Variants in MLIP observed in about 807,000 individuals in gnomAD.
MLIP encodes the protein muscular LMNA-interacting protein.
In MLIP, 79 loss-of-function variants were observed where a neutral mutation model predicts 84.8. The ratio of observed to expected loss-of-function variants is 0.93; its 90% CI spans 0.78 to 1.12. The LOEUF is 1.12. Ranked by LOEUF, MLIP falls within the 50% of genes most tolerant of loss-of-function variation. The probability of loss-of-function intolerance (pLI) is 0.00; values close to 1 mark genes in which losing one functional copy is unlikely to be tolerated. For synonymous variants in MLIP, 504 were observed against 463.0 expected, an observed-to-expected ratio of 1.09 and a Z score of -1.14; for missense variants, 1,257 against 1,160.6, an observed-to-expected ratio of 1.08 and a Z score of -1.21.
chr6:54,235,328 C>T (rs1175565898), intron 12 of MLIP, among the ~76,000 whole-genome samples: 1 of 152,180 alleles, frequency 6.6e-6, no homozygotes, highest in Non-Finnish European at 1.5e-5. Context: ...AAATACTCTT[C>T]TATGTTCTCC....
At chr6:54,258,527 A>G (rs1219598613) in intron 13 of MLIP, among the ~76,000 whole-genome samples, 3 of 152,044 alleles carry the variant, frequency 2.0e-5, no homozygotes, top group African/African-American at 7.2e-5. Flanking sequence ...TTATGAACAT[A>G]TGGAAGACTC....
rs1491464537 is a variant in MLIP, at chr6:54,239,367, A to ATT, written c.2922+8450_2922+8451insTT. Among the ~76,000 whole-genome samples, 1,444 of 144,544 alleles carry ATT rather than the reference A, an allele frequency of 1.0e-2. 48 individuals carry two copies. The highest frequency in any genetic ancestry group is 0.036 in the African/African-American group (1,378 of 38,600). 94.8% of individuals were successfully genotyped at this position (144,544 alleles called of 152,430 possible). On this transcript the variant is annotated intron_variant, in intron 12 of 13. Transcript: ENST00000502396. ...CTGGGCCATTTAAACATATATATATAATATATATATATATAATATATATAT... is the reference window on the plus strand; with the variant it reads ...CTGGGCCATTTAAACATATATATATATTATATATATATATATAATATATATAT...
intron 11 of MLIP, among the ~76,000 whole-genome samples, chr6:54,209,755 T>C (rs1779285850): frequency 6.6e-6 from 1 of 152,256 alleles, no homozygotes; most frequent in Non-Finnish European, 1.5e-5. Flanking sequence ...GAAAACATGT[T>C]TAAGATAAAA....
At chr6:54,131,995 A>C (rs1447921097) in intron 3 of MLIP, among the ~76,000 whole-genome samples, 1 of 152,124 alleles carries the variant, frequency 6.6e-6, no homozygotes, top group Admixed American at 6.5e-5. Flanking sequence ...GTGGTCTTGT[A>C]TCTTCCAGTA....
intron 9 of MLIP, among the ~76,000 whole-genome samples, chr6:54,183,012 A>G (rs1176480196): frequency 6.6e-6 from 1 of 152,230 alleles, no homozygotes; most frequent in Non-Finnish European, 1.5e-5. Flanking sequence ...AAATGTCATT[A>G]CAATGGAAGC....
intron 11 of MLIP, chr6:54,217,799 T>C: frequency 1.0e-6 from 1 of 984,788 alleles, no homozygotes; most frequent in Non-Finnish European, 1.2e-6. Flanking sequence ...TGTTTTATGA[T>C]CCCTGTACAT....
At chr6:54,146,907 GA>G (rs1772898659) in intron 4 of MLIP, among the ~76,000 whole-genome samples, 1 of 152,154 alleles carries the variant, frequency 6.6e-6, no homozygotes, top group Admixed American at 6.6e-5. Context: ...TTCCAGCCAG[GA>G]CTGACATGCA....
At chr6:54,026,856 T>C (rs2150272874) in intron 1 of MLIP, among the ~76,000 whole-genome samples, 1 of 152,280 alleles carries the variant, frequency 6.6e-6, no homozygotes, top group South Asian at 2.1e-4. Flanking sequence ...GGTAATACAG[T>C]TAAAGTTGTG....
intron 1 of MLIP, among the ~76,000 whole-genome samples, chr6:54,119,828 A>G (rs1770278317): frequency 6.6e-6 from 1 of 152,182 alleles, no homozygotes; most frequent in Non-Finnish European, 1.5e-5. Context: ...TATCTACAAC[A>G]AAAGTGGTTC....
intron 1 of MLIP, among the ~76,000 whole-genome samples, chr6:54,035,757 T>C (rs9464018): frequency 1.1e-4 from 16 of 152,108 alleles, no homozygotes; most frequent in African/African-American, 3.6e-4. Context: ...GCCATATGTA[T>C]ATCTTTTTTG....
rs138243625 is a variant in MLIP at position 54,228,510 on chromosome 6, G to A, written c.2719-2204G>A. Among the ~76,000 whole-genome samples, 29 of 152,314 alleles carry A rather than the reference G, an allele frequency of 1.9e-4. No homozygotes were observed. The East Asian group carries it at 4.4e-3, about 23-fold the overall frequency. ...CTGCCCAGCTGCCTGGGTAGAGTGA[G>A]GACAACACCTGATCCTACAGAAACA... On this transcript the variant is annotated intron_variant, in intron 11 of 13. Coordinates refer to ENST00000502396, the MANE Select transcript of MLIP (RefSeq NM_001281747.2).
chr6:54,202,242 A>G lies in MLIP; in HGVS notation c.2718+9A>G, dbSNP rs1778737311. 1.4e-6 allele frequency: 2 copies of G among 1,425,420 alleles called. No individual in the cohort carries two copies. Among genetic ancestry groups the G allele is most frequent in the Non-Finnish European group, 1.8e-6 (2 of 1,086,696 alleles). The allele number at this position is 1,425,420 out of a possible 1,614,324, so 88.3% of individuals were successfully genotyped here. A position where few individuals can be genotyped will look rare whatever the true frequency, so the allele number is the denominator to read the frequency against. ...ACCTCTTTTCTGAACAGGTGAGCACATACAAGAGAAAATGTTTGCTATTTT... is the reference window on the plus strand; with the variant it reads ...ACCTCTTTTCTGAACAGGTGAGCACGTACAAGAGAAAATGTTTGCTATTTT... On this transcript the variant is annotated intron_variant, in intron 11 of 13. Transcript: ENST00000502396.
At chr6:54,106,426 C>T (rs1769022685) in intron 1 of MLIP, among the ~76,000 whole-genome samples, 1 of 152,104 alleles carries the variant, frequency 6.6e-6, no homozygotes, top group Non-Finnish European at 1.5e-5. Flanking sequence ...CTCATCAGAG[C>T]ATCCACTCAG....
At chr6:54,023,783 T>C (rs1019263478) in intron 1 of MLIP, among the ~76,000 whole-genome samples, 2 of 152,090 alleles carry the variant, frequency 1.3e-5, no homozygotes, top group Non-Finnish European at 2.9e-5. Context: ...TTAGCCAAGC[T>C]GGTCTCAAAT....
intron 5 of MLIP, among the ~76,000 whole-genome samples, chr6:54,154,118 T>A (rs563408227): frequency 6.6e-6 from 1 of 150,590 alleles, no homozygotes; most frequent in East Asian, 2.1e-4. Context: ...TCTTTCTCTA[T>A]CTTGAACTTC....
At chr6:54,216,221 A>G (rs1414824167) in intron 11 of MLIP, 5 of 985,202 alleles carry the variant, frequency 5.1e-6, no homozygotes, top group Non-Finnish European at 6.0e-6. Context: ...AAAGAGGTTG[A>G]TTTCCTGCTA....
Position 54,053,660 on chromosome 6 carries a change from C to T in MLIP, c.63+34569C>T, listed in dbSNP as rs9474719. On this transcript the variant is annotated intron_variant, in intron 1 of 12. Transcript: ENST00000274897. ...GGCAAGTAACTGAACTTAATTTAGT[C>T]ATATTAATCTAATATACCTTGTAGA... Among the ~76,000 whole-genome samples, 211 of 152,266 alleles carry T rather than the reference C, an allele frequency of 1.4e-3. 1 individual carries two copies. Among genetic ancestry groups the T allele is most frequent in the African/African-American group, 4.8e-3 (201 of 41,552 alleles).
At chr6:54,044,588 T>C (rs774599831) in intron 1 of MLIP, among the ~76,000 whole-genome samples, 2 of 152,164 alleles carry the variant, frequency 1.3e-5, no homozygotes, top group Non-Finnish European at 2.9e-5. Context: ...TGGCTGCTTT[T>C]GCCAATTTTT....
intron 1 of MLIP, among the ~76,000 whole-genome samples, chr6:54,077,979 C>G (rs781542283): frequency 6.6e-6 from 1 of 152,104 alleles, no homozygotes; most frequent in African/African-American, 2.4e-5. Flanking sequence ...TGCTATGGTT[C>G]AGGTTGTTCT....
Sources: gnomAD v4.1 joint callset for allele counts (sites outside exome capture counted in the v4.1 genomes callset) on GRCh38, gnomAD v4.1.1 for gene constraint, MANE v1.5 for transcripts, NCBI Gene and HGNC (gene_info 2026-07-23, HGNC 2026-07-21) for gene names.